The following RARB variants were observed in gnomAD, a reference collection of about 807,000 sequenced individuals.
The protein encoded by RARB is HBV-activated protein.
Under a neutral mutation model 51.9 loss-of-function variants are expected in RARB, and 17 were observed. That is an observed-to-expected ratio of 0.33 (90% CI 0.22 to 0.49). RARB has a LOEUF of 0.49. RARB is among the 20% of genes least tolerant of loss of function. The pLI is 0.99. For synonymous variants in RARB, 215 were observed against 195.4 expected (o/e 1.10, Z -0.84); for missense variants, 369 against 550.8 (o/e 0.67, Z 3.30).
At chr3:25,046,506 A>G (rs1413976939) in intron 2 of RARB, among the ~76,000 whole-genome samples, 1 of 152,006 alleles carries the variant, frequency 6.6e-6, no homozygotes, top group Non-Finnish European at 1.5e-5. Context: ...CAGGCTGGAG[A>G]GCAGTGGTGT....
chr3:24,836,859 G>A (rs766100840), intron 1 of RARB, among the ~76,000 whole-genome samples: 1 of 152,252 alleles, frequency 6.6e-6, no homozygotes, highest in African/African-American at 2.4e-5. Flanking sequence ...GTAGTATATC[G>A]GAACTTCTGG....
At chr3:25,124,987 C>T (rs754096313) in intron 3 of RARB, among the ~76,000 whole-genome samples, 2 of 152,164 alleles carry the variant, frequency 1.3e-5, no homozygotes, top group Non-Finnish European at 2.9e-5. Context: ...TTATATAAAA[C>T]TTAACTGTTT....
At position 24,989,490 on chromosome 3, in the gene RARB, C is replaced by A. The variant is rs1469196239; in HGVS notation, c.-379-70635C>A. On this transcript the variant is annotated intron_variant, in intron 2 of 11. Coordinates refer to the RARB transcript ENST00000383772. ...GAGTTTCCACTTCCCTACATCCTCA[C>A]AAATGCTTGATATTGCAAGGTATTT... Among the ~76,000 whole-genome samples, 2 of 50,104 alleles carry A rather than the reference C, an allele frequency of 4.0e-5. 1 individual carries two copies. The highest frequency in any genetic ancestry group is 7.7e-5 in the Non-Finnish European group (2 of 26,108). 32.9% of individuals were successfully genotyped at this position (50,104 alleles called of 152,430 possible). A position where few individuals can be genotyped will look rare whatever the true frequency, so the allele number is the denominator to read the frequency against.
At chr3:25,165,367 C>T (rs1700543402) in intron 4 of RARB, among the ~76,000 whole-genome samples, 1 of 152,082 alleles carries the variant, frequency 6.6e-6, no homozygotes. Context: ...CTCTCTCTGT[C>T]TTTCTAGGTG....
At chr3:25,194,456 A>G (rs1499642) in intron 5 of RARB, among the ~76,000 whole-genome samples, 145,768 of 150,864 alleles carry the variant, frequency 0.97, 70,447 homozygotes, top group African/African-American at 0.99. Flanking sequence ...TAGTAATCAA[A>G]TAGTATATAT....
chr3:25,353,874 G>C (rs759291944), intron 5 of RARB, among the ~76,000 whole-genome samples: 22 of 152,210 alleles, frequency 1.4e-4, no homozygotes, highest in Middle Eastern at 3.4e-3. Context: ...TTTAGGGCCT[G>C]AATATATGAA....
intron 2 of RARB, among the ~76,000 whole-genome samples, chr3:24,985,398 T>C (rs1396290537): frequency 1.3e-5 from 2 of 151,398 alleles, no homozygotes; most frequent in African/African-American, 2.4e-5. Flanking sequence ...CAATAACATA[T>C]TTGGGTTAAA....
At chr3:25,197,080 C>T (rs1175717448) in intron 5 of RARB, among the ~76,000 whole-genome samples, 1 of 151,976 alleles carries the variant, frequency 6.6e-6, no homozygotes, top group Non-Finnish European at 1.5e-5. Flanking sequence ...AATTCGATGC[C>T]ATTTGTCTGT....
chr3:25,024,218 A>C (rs1697696815), intron 2 of RARB, among the ~76,000 whole-genome samples: 1 of 152,226 alleles, frequency 6.6e-6, no homozygotes, highest in African/African-American at 2.4e-5. Context: ...AGCCCTGAGA[A>C]ACTTTAGATC....
At chr3:25,250,210 A>T (rs749883057) in intron 5 of RARB, among the ~76,000 whole-genome samples, 1 of 152,246 alleles carries the variant, frequency 6.6e-6, no homozygotes, top group Non-Finnish European at 1.5e-5. Context: ...CCTGTGAGGG[A>T]TGCCAACAAT....
rs147603726 is a variant in RARB, at chr3:25,179,144, A to G, written c.178+4569A>G. On this transcript the variant is annotated intron_variant, in intron 5 of 11. Transcript: ENST00000383772. ...CTGGAGAGACAGGCTGTGCAATCTC[A>G]GAATTACCAATGATGGAACATAAAA... is the stretch of plus-strand genomic sequence containing the variant. 2.3e-3 allele frequency among the ~76,000 whole-genome samples: 356 copies of G among 152,314 alleles called. 2 individuals are homozygous for G. Among genetic ancestry groups the G allele is most frequent in the East Asian group, 0.02 (105 of 5,180 alleles).
intron 2 of RARB, among the ~76,000 whole-genome samples, chr3:24,861,928 A>G (rs1194689644): frequency 2.0e-5 from 3 of 152,246 alleles, no homozygotes; most frequent in African/African-American, 7.2e-5. Context: ...TAAACCATGG[A>G]CAAGGTATGT....
intron 2 of RARB, among the ~76,000 whole-genome samples, chr3:24,881,355 A>G (rs1399951703): frequency 1.3e-5 from 2 of 152,188 alleles, no homozygotes. Context: ...AAAATTTTTG[A>G]TAACTGCTGA....
chr3:25,143,679 A>G (rs543726373), intron 4 of RARB, among the ~76,000 whole-genome samples: 3 of 152,306 alleles, frequency 2.0e-5, no homozygotes, highest in African/African-American at 7.2e-5. Context: ...CCCAACTTTT[A>G]GACTTAGAAG....
intron 2 of RARB, among the ~76,000 whole-genome samples, chr3:24,865,257 G>T (rs917447524): frequency 1.3e-5 from 2 of 152,100 alleles, no homozygotes; most frequent in East Asian, 1.9e-4. Context: ...AAATTTACGT[G>T]CACTCAAGTC....
rs764726402 is a variant in RARB, at chr3:25,580,569, C to G, written c.633C>G (p.Val211=). ...AGAATTCCAGTGCTGACCATCGAGT[C>G]CGACTGGACCTGGGCCTCTGGGACA... is the stretch of plus-strand genomic sequence containing the variant. ...YTTNSSADHR[V]RLDLGLWDKF... Residue 211 remains valine (V), a synonymous_variant, in exon 5 of 8, where the codon GTC becomes GTG. Transcript: ENST00000330688. The G allele has an allele frequency of 1.9e-6, 3 of 1,600,184 alleles. No individual in the cohort carries two copies. The highest frequency in any genetic ancestry group is 2.2e-5 in the South Asian group (2 of 90,010).
chr3:25,269,386 G>A (rs1293644803), intron 5 of RARB, among the ~76,000 whole-genome samples: 1 of 152,172 alleles, frequency 6.6e-6, no homozygotes, highest in Non-Finnish European at 1.5e-5. Flanking sequence ...AGGAACGTGT[G>A]ACAGCTGAGA....
intron 5 of RARB, among the ~76,000 whole-genome samples, chr3:25,296,493 C>T (rs879869294): frequency 2.0e-5 from 3 of 152,014 alleles, no homozygotes; most frequent in Non-Finnish European, 4.4e-5. Context: ...CTCTTGAAGT[C>T]GACATGAGGT....
At chr3:25,587,760 T>G (rs1371763274) in intron 5 of RARB, among the ~76,000 whole-genome samples, 1 of 152,212 alleles carries the variant, frequency 6.6e-6, no homozygotes. Context: ...TATCACTACC[T>G]AAACATTCCC....
Sources: gnomAD v4.1 joint callset for allele counts (sites outside exome capture counted in the v4.1 genomes callset) on GRCh38, gnomAD v4.1.1 for gene constraint, MANE v1.5 for transcripts, NCBI Gene and HGNC (gene_info 2026-07-23, HGNC 2026-07-21) for gene names.